The following FRMD3 variants were observed in gnomAD, a reference collection of about 807,000 sequenced individuals.
FRMD3 encodes FERM domain-containing protein 3.
In FRMD3, 33 loss-of-function variants were observed where a neutral mutation model predicts 70.2. That is an observed-to-expected ratio of 0.47 (90% CI 0.36 to 0.63). FRMD3 has a LOEUF of 0.63. Among genes scored for constraint, FRMD3 ranks in the 20% least tolerant of loss-of-function variants. FRMD3 has a pLI of 0.00. For synonymous variants in FRMD3, 279 were observed against 255.9 expected (o/e 1.09, Z -0.86); for missense variants, 632 against 711.4 (o/e 0.89, Z 1.27).
intron 2 of FRMD3, among the ~76,000 whole-genome samples, chr9:83,388,561 G>A (rs1232829185): frequency 6.6e-6 from 1 of 152,142 alleles, no homozygotes; most frequent in South Asian, 2.1e-4. Flanking sequence ...GATGTGAAGG[G>A]CACACATCAC....
chr9:83,485,214 C>G (rs1037797831), intron 1 of FRMD3, among the ~76,000 whole-genome samples: 1 of 152,140 alleles, frequency 6.6e-6, no homozygotes, highest in Non-Finnish European at 1.5e-5. Flanking sequence ...TGTAGAATTC[C>G]GTGTACTTAT....
intron 1 of FRMD3, among the ~76,000 whole-genome samples, chr9:83,416,782 TCTCTCA>T (rs1387018211): frequency 0.022 from 2,144 of 99,042 alleles, 45 homozygotes; most frequent in African/African-American, 0.04. Context: ...TCTCTCTCTC[TCTCTCA>T]CTCTCTCTCT....
At chr9:83,248,610 T>C in intron 13 of FRMD3, 94 bp from the exon 14 acceptor site, 2 of 1,278,542 alleles carry the variant, frequency 1.6e-6, no homozygotes, top group Non-Finnish European at 2.1e-6. Context: ...ACTAATGGGA[T>C]TCAAGCAATC....
In FRMD3 at chr9:83,422,832, C is replaced by T. The variant is rs11140076; in HGVS notation, c.148-33124G>A. Among the ~76,000 whole-genome samples, 195 of 152,202 alleles carry T rather than the reference C, an allele frequency of 1.3e-3. 1 individual carries two copies. The highest frequency in any genetic ancestry group is 2.3e-3 in the South Asian group (11 of 4,816). ...TTTAGAGATGATCAGCATGAAGAGG[C>T]GAAAAATAAAGGAGTCTTAAAGTTA... On this transcript the variant is annotated intron_variant, in intron 1 of 13. Transcript: ENST00000304195.
chr9:83,524,318 G>C (rs925377847), intron 1 of FRMD3, among the ~76,000 whole-genome samples: 6 of 152,196 alleles, frequency 3.9e-5, no homozygotes, highest in Non-Finnish European at 7.3e-5. Context: ...ACATGTAAAA[G>C]GAAAGGGGAG....
chr9:83,385,037 T>G (rs943332020), intron 2 of FRMD3, among the ~76,000 whole-genome samples: 1 of 151,956 alleles, frequency 6.6e-6, no homozygotes, highest in African/African-American at 2.4e-5. Flanking sequence ...TAGAAGAACA[T>G]AAGGGGAAAA....
intron 1 of FRMD3, among the ~76,000 whole-genome samples, chr9:83,439,476 G>A (rs550747584): frequency 6.6e-6 from 1 of 152,204 alleles, no homozygotes; most frequent in Admixed American, 6.5e-5. Context: ...CAGCCAACTG[G>A]ATGGTTACAG....
intron 6 of FRMD3, among the ~76,000 whole-genome samples, chr9:83,314,576 C>A (rs1047276421): frequency 1.3e-5 from 2 of 152,024 alleles, no homozygotes; most frequent in African/African-American, 2.4e-5. Context: ...ATTGTCCCCC[C>A]ACCCCCTCAA....
chr9:83,378,884 T>A (rs1258390503), intron 2 of FRMD3, among the ~76,000 whole-genome samples: 1 of 141,078 alleles, frequency 7.1e-6, no homozygotes, highest in African/African-American at 2.6e-5. Flanking sequence ...ATATATAAAT[T>A]TTATATAAAT....
intron 2 of FRMD3, among the ~76,000 whole-genome samples, chr9:83,374,054 C>T (rs777002068): frequency 3.3e-5 from 5 of 152,140 alleles, no homozygotes; most frequent in Non-Finnish European, 5.9e-5. Context: ...TCCTCCCTAC[C>T]ACTCCACTTA....
At chr9:83,554,185 C>T in the FRMD3 span, among the ~76,000 whole-genome samples, 2 of 152,136 alleles carry the variant, frequency 1.3e-5, no homozygotes, top group African/African-American at 2.4e-5. Flanking sequence ...TTAGGCTCAT[C>T]GGTCAGTTTG....
chr9:83,340,044 A>T (rs1453656316), intron 5 of FRMD3, among the ~76,000 whole-genome samples: 3 of 152,198 alleles, frequency 2.0e-5, no homozygotes, highest in Non-Finnish European at 4.4e-5. Flanking sequence ...TGAGTTTATT[A>T]AAAACAGTCA....
chr9:83,541,132 T>C (rs1239636208), upstream of FRMD3, among the ~76,000 whole-genome samples: 12 of 152,180 alleles, frequency 7.9e-5, no homozygotes, highest in Non-Finnish European at 1.2e-4. Flanking sequence ...GAAGCCGATC[T>C]CCTCCCACCC....
chr9:83,407,192 C>A (rs1233159911), intron 1 of FRMD3, among the ~76,000 whole-genome samples: 2 of 152,174 alleles, frequency 1.3e-5, no homozygotes, highest in Non-Finnish European at 2.9e-5. Flanking sequence ...TTATCTTAAG[C>A]TTCCTTTTCT....
chr9:83,517,769 C>T (rs1306932142), intron 1 of FRMD3, among the ~76,000 whole-genome samples: 1 of 152,186 alleles, frequency 6.6e-6, no homozygotes, highest in Non-Finnish European at 1.5e-5. Context: ...TCCAGCAGCA[C>T]ATCGAAAAGC....
chr9:83,552,243 C>A, the FRMD3 span, among the ~76,000 whole-genome samples: 1 of 152,178 alleles, frequency 6.6e-6, no homozygotes, highest in Non-Finnish European at 1.5e-5. Context: ...AAAAGTCATT[C>A]AGGGGCTTGT....
intron 2 of FRMD3, among the ~76,000 whole-genome samples, chr9:83,379,693 G>C (rs1346473312): frequency 6.6e-6 from 1 of 152,136 alleles, no homozygotes; most frequent in East Asian, 1.9e-4. Flanking sequence ...CGCTTTTTAG[G>C]AAGGATGCCC....
At chr9:83,495,584 T>C (rs1828926662) in intron 1 of FRMD3, among the ~76,000 whole-genome samples, 1 of 152,190 alleles carries the variant, frequency 6.6e-6, no homozygotes. Flanking sequence ...AACAAAAATG[T>C]CAACAGTGCA....
At chr9:83,426,384 C>T (rs1826812017) in intron 1 of FRMD3, among the ~76,000 whole-genome samples, 1 of 152,240 alleles carries the variant, frequency 6.6e-6, no homozygotes, top group African/African-American at 2.4e-5. Context: ...GGCACAATTC[C>T]TGTTCTCAAG....
Sources: allele counts gnomAD v4.1 joint callset (sites outside exome capture counted in the v4.1 genomes callset), GRCh38; gene constraint gnomAD v4.1.1; transcripts MANE v1.5; gene names NCBI Gene and HGNC (gene_info 2026-07-23, HGNC 2026-07-21).